The following NKAIN3 variants were observed in gnomAD, a reference collection of about 807,000 sequenced individuals.
NKAIN3 encodes the protein sodium/potassium transporting ATPase interacting 3, also known as sodium/potassium-transporting ATPase subunit beta-1-interacting protein 3.
A neutral mutation model predicts 30.2 loss-of-function variants in NKAIN3; 25 were observed. The ratio of observed to expected loss-of-function variants is 0.83; its 90% confidence interval spans 0.60 to 1.16. NKAIN3 has a LOEUF of 1.16. Among genes scored for constraint, NKAIN3 ranks in the 50% most tolerant of loss-of-function variants. NKAIN3 has a pLI of 0.00. For missense variants in NKAIN3, 225 were observed against 254.1 expected (o/e 0.89, Z 0.78); for synonymous variants, 91 against 89.6 (o/e 1.02, Z -0.09).
At chr8:62,683,057 A>T (rs1813692185) in intron 3 of NKAIN3, among the ~76,000 whole-genome samples, 1 of 151,740 alleles carries the variant, frequency 6.6e-6, no homozygotes, top group Admixed American at 6.6e-5. Context: ...TTTTTGAGAC[A>T]GAGTCTAGCT....
At chr8:62,476,040 A>G (rs768665156) in intron 1 of NKAIN3, among the ~76,000 whole-genome samples, 1 of 152,188 alleles carries the variant, frequency 6.6e-6, no homozygotes, top group African/African-American at 2.4e-5. Context: ...TACATGGCAC[A>G]TATCAAGTCC....
At chr8:62,844,993 C>T (rs1819633791) in intron 4 of NKAIN3, among the ~76,000 whole-genome samples, 1 of 151,926 alleles carries the variant, frequency 6.6e-6, no homozygotes, top group Admixed American at 6.6e-5. Flanking sequence ...ATTTGAAAGG[C>T]AGTTTAGATG....
At chr8:62,469,354 G>C (rs777596678) in intron 1 of NKAIN3, among the ~76,000 whole-genome samples, 17 of 152,176 alleles carry the variant, frequency 1.1e-4, no homozygotes, top group Admixed American at 2.0e-4. Flanking sequence ...TTATGTGTGA[G>C]AGCATAGGAA....
chr8:62,595,401 T>TG (rs370130152), intron 3 of NKAIN3, among the ~76,000 whole-genome samples: 1 of 112,140 alleles, frequency 8.9e-6, no homozygotes, highest in Non-Finnish European at 2.2e-5. Context: ...TTTTTTTTTT[T>TG]GCAGTTGCAA....
chr8:62,259,617 T>C (rs901428128), intron 1 of NKAIN3, among the ~76,000 whole-genome samples: 10 of 152,148 alleles, frequency 6.6e-5, no homozygotes, highest in Non-Finnish European at 1.5e-4. Flanking sequence ...TTTGCAAAGA[T>C]ATTGAAATAA....
intron 1 of NKAIN3, among the ~76,000 whole-genome samples, chr8:62,474,895 A>G (rs1304087352): frequency 6.6e-6 from 1 of 152,200 alleles, no homozygotes; most frequent in Non-Finnish European, 1.5e-5. Context: ...TAAATTTTTA[A>G]AAAGTCAATT....
At position 62,779,634 on chromosome 8, in the gene NKAIN3, T is replaced by C. The variant is rs557558449; in HGVS notation, c.471+32505T>C. ...ATAGACCTAACAGACATTTACAGAA[T>C]ATTTTGTGCAACATTGTCAGAATAT... On this transcript the variant is annotated intron_variant, in intron 4 of 6. Coordinates refer to ENST00000623646, the MANE Select transcript of NKAIN3 (RefSeq NM_001304533.3). Among the ~76,000 whole-genome samples, 8 of 152,212 alleles carry C rather than the reference T, an allele frequency of 5.3e-5. No individual in the cohort carries two copies. In the South Asian group the frequency reaches 1.4e-3, roughly 28 times the overall value.
intron 5 of NKAIN3, among the ~76,000 whole-genome samples, chr8:62,997,829 A>T (rs1021179104): frequency 6.6e-6 from 1 of 151,922 alleles, no homozygotes; most frequent in Non-Finnish European, 1.5e-5. Context: ...CGTATTTTTG[A>T]CAATGCAATA....
chr8:62,993,658 G>A (rs547849843), intron 5 of NKAIN3, among the ~76,000 whole-genome samples: 1 of 152,078 alleles, frequency 6.6e-6, no homozygotes, highest in African/African-American at 2.4e-5. Context: ...CTTGTCCTTA[G>A]CCTCTGGTAT....
chr8:62,600,491 G>T (rs1398378159), intron 3 of NKAIN3, among the ~76,000 whole-genome samples: 6 of 151,884 alleles, frequency 4.0e-5, no homozygotes, highest in Non-Finnish European at 8.8e-5. Context: ...TATAAATGAG[G>T]AACCTCATCC....
intron 1 of NKAIN3, among the ~76,000 whole-genome samples, chr8:62,430,437 A>G (rs1024133929): frequency 6.9e-6 from 1 of 144,904 alleles, no homozygotes; most frequent in Non-Finnish European, 1.5e-5. Context: ...CCCTGCTTTC[A>G]ATATTTTGGA....
At chr8:62,878,270 A>T (rs949172155) in intron 4 of NKAIN3, among the ~76,000 whole-genome samples, 1 of 152,118 alleles carries the variant, frequency 6.6e-6, no homozygotes, top group African/African-American at 2.4e-5. Flanking sequence ...CCTTTTACAA[A>T]ATCCCAATGA....
chr8:62,585,895 T>C lies in NKAIN3; in HGVS notation c.193-3819T>C, dbSNP rs534464220. ...TACTCCTCGGTCAAATATGTTTTAT[T>C]CTACTTCTAAATTTAAAAATAAGAT... On this transcript the variant is annotated intron_variant, in intron 2 of 6. Transcript: ENST00000623646. 2.6e-5 allele frequency among the ~76,000 whole-genome samples: 4 copies of C among 152,340 alleles called. No individual in the cohort carries two copies. In the South Asian group the frequency reaches 8.3e-4, roughly 32 times the overall value.
intron 1 of NKAIN3, among the ~76,000 whole-genome samples, chr8:62,339,302 G>GTTTC (rs3058298): frequency 0.039 from 5,927 of 152,010 alleles, 414 homozygotes; most frequent in African/African-American, 0.14. Flanking sequence ...GGCGTTTAGA[G>GTTTC]TTTCTTTCCT....
At chr8:62,633,274 A>G (rs1793992196) in intron 3 of NKAIN3, among the ~76,000 whole-genome samples, 1 of 152,156 alleles carries the variant, frequency 6.6e-6, no homozygotes, top group Non-Finnish European at 1.5e-5. Flanking sequence ...TTGAAGATTC[A>G]CCCTCACCTT....
chr8:62,772,408 C>A (rs180868885), intron 4 of NKAIN3, among the ~76,000 whole-genome samples: 2 of 152,122 alleles, frequency 1.3e-5, no homozygotes, highest in Admixed American at 1.3e-4. Flanking sequence ...TGAGAAACGT[C>A]CAAAGTCTTC....
intron 3 of NKAIN3, among the ~76,000 whole-genome samples, chr8:62,627,937 T>C (rs943380524): frequency 3.3e-5 from 5 of 152,222 alleles, no homozygotes; most frequent in Admixed American, 6.5e-5. Flanking sequence ...GCAAAGGCTG[T>C]GATCAAGATT....
chr8:62,983,399 C>G lies in NKAIN3; in HGVS notation c.*17992C>G, dbSNP rs367912678. The G allele has an allele frequency of 6.6e-6, 1 of 152,186 alleles. No individual in the cohort carries two copies. The highest frequency in any genetic ancestry group is 1.9e-4 in the East Asian group (1 of 5,194). The allele number at this position is 152,186 out of a possible 1,614,324, so 9.4% of individuals were successfully genotyped here. On this transcript the variant is annotated 3_prime_UTR_variant, in exon 7 of 7. Transcript: ENST00000623646. ...TCTTCTTCCAGTTTCAGAGCCCCAG[C>G]GATCCCAGGATGAAGGAGAGCCCAT...
At chr8:62,482,425 C>T (rs1467515655) in intron 1 of NKAIN3, 1 of 152,192 alleles carries the variant, frequency 6.6e-6, no homozygotes. Context: ...ATCTTACTTC[C>T]ACCAATTTCA....
Sources: gnomAD v4.1 joint callset for allele counts (sites outside exome capture counted in the v4.1 genomes callset) on GRCh38, gnomAD v4.1.1 for gene constraint, MANE v1.5 for transcripts, NCBI Gene and HGNC (gene_info 2026-07-23, HGNC 2026-07-21) for gene names.